Variants in HDAC9 observed in about 807,000 individuals in gnomAD.
The protein encoded by HDAC9 is MEF-2 interacting transcription repressor (MITR) protein.
A neutral mutation model predicts 139.4 loss-of-function variants in HDAC9; 41 were observed. That is an observed-to-expected ratio of 0.29 (90% CI 0.23 to 0.38). The LOEUF is 0.38. Among genes scored for constraint, HDAC9 ranks in the 10% least tolerant of loss-of-function variants. The pLI is 1.00. For synonymous variants in HDAC9, 517 were observed against 476.2 expected (o/e 1.09, Z -1.12); for missense variants, 1,147 against 1,297.0 (o/e 0.88, Z 1.78).
chr7:18,659,947 C>T (rs528384454), intron 11 of HDAC9, among the ~76,000 whole-genome samples: 2 of 152,274 alleles, frequency 1.3e-5, no homozygotes, highest in East Asian at 1.9e-4. Context: ...GACATCTCCT[C>T]ACTACATCTG....
At chr7:18,238,284 G>A (rs1793957589) in intron 2 of HDAC9, among the ~76,000 whole-genome samples, 1 of 152,152 alleles carries the variant, frequency 6.6e-6, no homozygotes, top group Non-Finnish European at 1.5e-5. Context: ...GGGACAGTTG[G>A]CTTTCTCTCT....
chr7:18,705,742 G>T (rs1052458004), intron 12 of HDAC9, among the ~76,000 whole-genome samples: 2 of 151,312 alleles, frequency 1.3e-5, no homozygotes, highest in Non-Finnish European at 2.9e-5. Flanking sequence ...AATCCCAGCT[G>T]CTTGGGAGGA....
chr7:18,314,145 G>A (rs1799488927), intron 1 of HDAC9, among the ~76,000 whole-genome samples: 1 of 152,144 alleles, frequency 6.6e-6, no homozygotes, highest in South Asian at 2.1e-4. Flanking sequence ...CTGGTGACAA[G>A]TTCTATAGAA....
intron 12 of HDAC9, among the ~76,000 whole-genome samples, chr7:18,706,840 C>T (rs1380783608): frequency 2.0e-5 from 3 of 152,158 alleles, no homozygotes; most frequent in African/African-American, 7.2e-5. Context: ...CAACCGATGA[C>T]AGCTTAATGG....
intron 1 of HDAC9, among the ~76,000 whole-genome samples, chr7:18,449,709 G>A (rs1325706695): frequency 6.6e-6 from 1 of 152,018 alleles, no homozygotes; most frequent in Non-Finnish European, 1.5e-5. Flanking sequence ...GGAGCTCAGA[G>A]TTATAAATAT....
chr7:18,426,335 G>A lies in HDAC9; in HGVS notation c.-41-69927G>A, dbSNP rs1485737594. On this transcript the variant is annotated intron_variant, in intron 1 of 3. Coordinates refer to the HDAC9 transcript ENST00000413509. ...CCAAGTGAGCTTTCATGTAAGTGGC[G>A]GCGTTTATGCAAATGCTAATGCAGT... Among the ~76,000 whole-genome samples, 5 of 152,122 alleles carry A rather than the reference G, an allele frequency of 3.3e-5. No homozygotes were observed. The South Asian group carries it at 6.2e-4, about 19-fold the overall frequency.
chr7:18,509,570 C>G (rs186540462), intron 2 of HDAC9: 1 of 525,650 alleles, frequency 1.9e-6, no homozygotes, highest in Non-Finnish European at 2.4e-6. Flanking sequence ...TTGTTGATTT[C>G]TTAGTCTAAG....
chr7:18,287,224 G>A (rs1797510143), upstream of HDAC9, among the ~76,000 whole-genome samples: 2 of 151,682 alleles, frequency 1.3e-5, no homozygotes, highest in South Asian at 4.2e-4. Context: ...TTACTGCAAA[G>A]CCTTATTTGT....
At chr7:18,725,951 G>T (rs1474502297) in intron 12 of HDAC9, among the ~76,000 whole-genome samples, 1 of 152,146 alleles carries the variant, frequency 6.6e-6, no homozygotes, top group Non-Finnish European at 1.5e-5. Context: ...GCCTCAATAT[G>T]TGAAATATAC....
intron 1 of HDAC9, among the ~76,000 whole-genome samples, chr7:18,357,241 T>A (rs1197498219): frequency 3.9e-5 from 6 of 152,134 alleles, no homozygotes; most frequent in Non-Finnish European, 5.9e-5. Flanking sequence ...TCCAATCTAA[T>A]ATATATGTGA....
chr7:18,275,683 C>T (rs1338706464), intron 2 of HDAC9, among the ~76,000 whole-genome samples: 1 of 152,192 alleles, frequency 6.6e-6, no homozygotes, highest in Admixed American at 6.5e-5. Context: ...TTCTCTCAAT[C>T]TGCATGGTCA....
chr7:18,879,397 C>A (rs1192090753), intron 22 of HDAC9, among the ~76,000 whole-genome samples: 1 of 152,078 alleles, frequency 6.6e-6, no homozygotes, highest in African/African-American at 2.4e-5. Flanking sequence ...CATCATGTTA[C>A]CCAACTTCAA....
intron 5 of HDAC9, among the ~76,000 whole-genome samples, chr7:18,593,289 A>G (rs964205273): frequency 1.6e-4 from 24 of 152,194 alleles, no homozygotes; most frequent in African/African-American, 5.5e-4. Context: ...CCTATAAACT[A>G]TTCTCCAGCA....
intron 2 of HDAC9, among the ~76,000 whole-genome samples, chr7:18,200,035 C>T (rs776446594): frequency 2.6e-5 from 4 of 152,112 alleles, no homozygotes; most frequent in Admixed American, 1.3e-4. Flanking sequence ...ATTTATAAGT[C>T]ACACTAATGA....
Position 19,001,342 on chromosome 7 carries a change from G to A in HDAC9, c.*5280G>A, listed in dbSNP as rs1229119051. ...TGGAATCGTTTTATTTTTTTGTTTG[G>A]GCCTTAGGCACAATAGAAGCAAATG... On this transcript the variant is annotated 3_prime_UTR_variant, in exon 26 of 26. Coordinates refer to ENST00000686413, the MANE Select transcript of HDAC9 (RefSeq NM_178425.4). 1 of 151,514 alleles carries A rather than the reference G, an allele frequency of 6.6e-6. No homozygotes were observed. Among genetic ancestry groups the A allele is most frequent in the Non-Finnish European group, 1.5e-5 (1 of 67,820 alleles). 9.4% of individuals were successfully genotyped at this position (151,514 alleles called of 1,614,324 possible). A position where few individuals can be genotyped will look rare whatever the true frequency, so the allele number is the denominator to read the frequency against.
chr7:18,249,374 G>C (rs756869535), intron 2 of HDAC9, among the ~76,000 whole-genome samples: 2 of 151,524 alleles, frequency 1.3e-5, no homozygotes, highest in Admixed American at 6.6e-5. Flanking sequence ...GTGGTGGCAC[G>C]TGTCTGTAAT....
intron 1 of HDAC9, among the ~76,000 whole-genome samples, chr7:18,116,539 A>C (rs115354075): frequency 0.017 from 2,637 of 152,298 alleles, 72 homozygotes; most frequent in African/African-American, 0.06. Context: ...ATTCTAGATC[A>C]ATAGTGCTTT....
chr7:18,222,539 C>T (rs975356758), intron 2 of HDAC9, among the ~76,000 whole-genome samples: 16 of 152,068 alleles, frequency 1.1e-4, no homozygotes, highest in Non-Finnish European at 2.2e-4. Context: ...TGAAACAGTA[C>T]TGGACAGTAT....
At chr7:18,205,659 A>AT (rs1230981168) in intron 2 of HDAC9, among the ~76,000 whole-genome samples, 5 of 152,040 alleles carry the variant, frequency 3.3e-5, no homozygotes, top group Admixed American at 1.3e-4. Flanking sequence ...GAAAAATTTG[A>AT]TTTTTTAAAA....
Sources: gnomAD v4.1 joint callset for allele counts (sites outside exome capture counted in the v4.1 genomes callset) on GRCh38, gnomAD v4.1.1 for gene constraint, MANE v1.5 for transcripts, NCBI Gene and HGNC (gene_info 2026-07-23, HGNC 2026-07-21) for gene names.